MAGI2: variants seen among roughly 807,000 people sequenced by gnomAD.
MAGI2 encodes membrane-associated guanylate kinase, WW and PDZ domain-containing protein 2.
MAGI2 carries 35 observed loss-of-function variants against 133.3 expected under a neutral mutation model. The observed-to-expected ratio is 0.26, with a 90% CI of 0.20 to 0.35. MAGI2 has a LOEUF of 0.35. Among genes scored for constraint, MAGI2 ranks in the 10% least tolerant of loss-of-function variants. The pLI, the probability that MAGI2 is intolerant of heterozygous loss-of-function variation, is 1.00. For synonymous variants in MAGI2, 729 were observed against 710.6 expected (o/e 1.03, Z -0.41); for missense variants, 1,636 against 1,863.4 (o/e 0.88, Z 2.25).
chr7:79,434,376 A>G (rs1027598134), intron 1 of MAGI2, among the ~76,000 whole-genome samples: 1 of 152,212 alleles, frequency 6.6e-6, no homozygotes, highest in Non-Finnish European at 1.5e-5. Context: ...CTTAAAACAG[A>G]AACAGATACT....
At chr7:78,229,245 T>C (rs1359353649) in intron 10 of MAGI2, among the ~76,000 whole-genome samples, 3 of 152,244 alleles carry the variant, frequency 2.0e-5, no homozygotes, top group Non-Finnish European at 4.4e-5. Flanking sequence ...AAGTGCTCTA[T>C]GTGGATTTTC....
intron 1 of MAGI2, among the ~76,000 whole-genome samples, chr7:79,186,309 T>G (rs1024747828): frequency 6.8e-6 from 1 of 148,100 alleles, no homozygotes; most frequent in Non-Finnish European, 1.5e-5. Flanking sequence ...TGAGCGACCA[T>G]GCACTTATCA....
chr7:78,992,305 G>C (rs932095807), intron 2 of MAGI2, among the ~76,000 whole-genome samples: 2 of 151,860 alleles, frequency 1.3e-5, no homozygotes, highest in Admixed American at 1.3e-4. Flanking sequence ...TAGAGAATAG[G>C]ACGTATGTCT....
At chr7:79,403,864 C>T (rs1845630031) in intron 1 of MAGI2, among the ~76,000 whole-genome samples, 1 of 152,068 alleles carries the variant, frequency 6.6e-6, no homozygotes, top group East Asian at 1.9e-4. Context: ...GCTGCAATGA[C>T]ATAGAGTAGT....
chr7:78,902,372 T>G lies in MAGI2; in HGVS notation c.418+104718A>C, dbSNP rs1797675050. ...TCATGACAGTCTATCACTTGGATTT[T>G]AAAATAAAATCATTTTATAATAAAA... On this transcript the variant is annotated intron_variant, in intron 2 of 21. Transcript: ENST00000354212. 4.6e-5 allele frequency: 7 copies of G among 152,332 alleles called. No homozygotes were observed. In the South Asian group the frequency reaches 1.4e-3, roughly 32 times the overall value. 9.4% of individuals were successfully genotyped at this position (152,332 alleles called of 1,614,324 possible).
intron 2 of MAGI2, among the ~76,000 whole-genome samples, chr7:78,733,106 G>A (rs1420443522): frequency 1.3e-5 from 2 of 152,144 alleles, no homozygotes; most frequent in African/African-American, 4.8e-5. Context: ...AAATTGGGGT[G>A]AAGGAAAAGG....
chr7:78,161,315 C>T (rs1379114944), intron 15 of MAGI2, among the ~76,000 whole-genome samples: 2 of 152,008 alleles, frequency 1.3e-5, no homozygotes, highest in Non-Finnish European at 2.9e-5. Context: ...AATTTAATAC[C>T]TAGGTATTGG....
At chr7:79,413,223 T>C (rs960916533) in intron 1 of MAGI2, 1 of 152,110 alleles carries the variant, frequency 6.6e-6, no homozygotes, top group African/African-American at 2.4e-5. Context: ...TATTGCAGCT[T>C]TGATCTTATG....
intron 2 of MAGI2, among the ~76,000 whole-genome samples, chr7:78,829,066 C>A (rs1790907811): frequency 6.6e-6 from 1 of 152,016 alleles, no homozygotes; most frequent in Non-Finnish European, 1.5e-5. Context: ...AAGCTTCCTT[C>A]ATATTTTTGT....
intron 20 of MAGI2, among the ~76,000 whole-genome samples, chr7:78,121,982 AC>A (rs1471837930): frequency 6.6e-6 from 1 of 152,210 alleles, no homozygotes; most frequent in East Asian, 1.9e-4. Flanking sequence ...TAGAAAGCAA[AC>A]CACAGAGAAG....
intron 11 of MAGI2, among the ~76,000 whole-genome samples, chr7:78,198,817 C>T (rs926520173): frequency 6.6e-6 from 1 of 152,114 alleles, no homozygotes; most frequent in African/African-American, 2.4e-5. Flanking sequence ...CTATTTTGGG[C>T]AGGGTTGGAA....
At chr7:78,495,047 T>C (rs190970015) in intron 5 of MAGI2, among the ~76,000 whole-genome samples, 181 of 152,302 alleles carry the variant, frequency 1.2e-3, no homozygotes, top group Non-Finnish European at 2.1e-3. Context: ...TGACAAGGTT[T>C]CAATAGTAGT....
intron 15 of MAGI2, among the ~76,000 whole-genome samples, chr7:78,165,794 T>C (rs1409778987): frequency 6.6e-6 from 1 of 152,206 alleles, no homozygotes; most frequent in African/African-American, 2.4e-5. Context: ...TGAAAAGGCA[T>C]CTCCATTGTC....
chr7:78,562,611 T>A (rs1800525346), intron 3 of MAGI2, among the ~76,000 whole-genome samples: 1 of 152,190 alleles, frequency 6.6e-6, no homozygotes, highest in African/African-American at 2.4e-5. Flanking sequence ...GTGAAACAGG[T>A]AAAAAATCAT....
intron 2 of MAGI2, among the ~76,000 whole-genome samples, chr7:78,993,306 T>C (rs1213352846): frequency 6.6e-6 from 1 of 152,122 alleles, no homozygotes; most frequent in Non-Finnish European, 1.5e-5. Context: ...CTGATAACAA[T>C]TATTTATGTT....
chr7:78,118,390 A>G (rs1260322940), intron 20 of MAGI2, among the ~76,000 whole-genome samples: 4 of 152,232 alleles, frequency 2.6e-5, no homozygotes, highest in Non-Finnish European at 4.4e-5. Flanking sequence ...TCTGCAAAAG[A>G]CACTGTCAAG....
chr7:78,138,954 T>C (rs1377897132), intron 16 of MAGI2, among the ~76,000 whole-genome samples: 1 of 152,212 alleles, frequency 6.6e-6, no homozygotes, highest in East Asian at 1.9e-4. Context: ...GAGACTTAGT[T>C]TGGAAAAGCT....
intron 1 of MAGI2, among the ~76,000 whole-genome samples, chr7:79,261,329 C>T (rs1298826471): frequency 6.6e-6 from 1 of 152,198 alleles, no homozygotes; most frequent in South Asian, 2.1e-4. Flanking sequence ...CCTTGGCATA[C>T]CCCTGTTTCA....
chr7:78,223,499 C>T (rs972216832), intron 10 of MAGI2, among the ~76,000 whole-genome samples: 1 of 152,010 alleles, frequency 6.6e-6, no homozygotes, highest in Admixed American at 6.6e-5. Flanking sequence ...AGGATAACTA[C>T]CTCAAAAGTT....
Sources: allele counts gnomAD v4.1 joint callset (sites outside exome capture counted in the v4.1 genomes callset), GRCh38; gene constraint gnomAD v4.1.1; transcripts MANE v1.5; gene names NCBI Gene and HGNC (gene_info 2026-07-23, HGNC 2026-07-21).